The following ARHGAP10 variants were observed in gnomAD, a reference collection of about 807,000 sequenced individuals.
ARHGAP10 encodes the protein Rho GTPase activating protein 10.
Under a neutral mutation model 108.6 loss-of-function variants are expected in ARHGAP10, and 87 were observed. The ratio of observed to expected loss-of-function variants is 0.80; its 90% confidence interval spans 0.67 to 0.96. The LOEUF is 0.96. ARHGAP10 is among the 40% of genes least tolerant of loss of function. The pLI is 0.00. For missense variants in ARHGAP10, 939 were observed against 954.5 expected, an observed-to-expected ratio of 0.98 and a Z score of 0.21; for synonymous variants, 347 against 341.1, an observed-to-expected ratio of 1.02 and a Z score of -0.19.
chr4:147,940,017 C>A, intron 14 of ARHGAP10, 118 bp downstream of exon 14: 1 of 997,104 alleles, frequency 1.0e-6, no homozygotes, highest in Non-Finnish European at 1.5e-6. Context: ...CTACTTTCTA[C>A]AGGAGTTTTC....
intron 19 of ARHGAP10, among the ~76,000 whole-genome samples, chr4:148,039,916 A>G (rs1034931462): frequency 1.3e-5 from 2 of 152,012 alleles, no homozygotes; most frequent in African/African-American, 4.8e-5. Flanking sequence ...TCTATTCTCT[A>G]TATTACAAAT....
chr4:147,769,149 T>C (rs1729966646), intron 1 of ARHGAP10, among the ~76,000 whole-genome samples: 1 of 152,206 alleles, frequency 6.6e-6, no homozygotes, highest in South Asian at 2.1e-4. Context: ...GTAGGACTAA[T>C]CTGTTTCAAT....
chr4:147,988,761 G>T (rs564997504), intron 18 of ARHGAP10, among the ~76,000 whole-genome samples: 1 of 152,138 alleles, frequency 6.6e-6, no homozygotes, highest in Non-Finnish European at 1.5e-5. Context: ...CCACACTTCC[G>T]TGTAGGAACT....
chr4:147,827,627 G>C (rs1487327545), intron 3 of ARHGAP10, among the ~76,000 whole-genome samples: 1 of 152,124 alleles, frequency 6.6e-6, no homozygotes, highest in Non-Finnish European at 1.5e-5. Context: ...ATGGTTGCCA[G>C]TACATTCTGA....
intron 18 of ARHGAP10, among the ~76,000 whole-genome samples, chr4:147,992,943 T>C (rs1740336450): frequency 6.6e-6 from 1 of 152,228 alleles, no homozygotes; most frequent in Non-Finnish European, 1.5e-5. Flanking sequence ...AGAAACTGAT[T>C]GGAGGGTGTA....
intron 18 of ARHGAP10, among the ~76,000 whole-genome samples, chr4:147,985,515 T>C (rs1387980474): frequency 6.6e-6 from 1 of 152,158 alleles, no homozygotes; most frequent in Non-Finnish European, 1.5e-5. Flanking sequence ...CTTTTGGACC[T>C]GTGATGGGGG....
chr4:147,752,430 T>C (rs1418109855), intron 1 of ARHGAP10, among the ~76,000 whole-genome samples: 1 of 152,136 alleles, frequency 6.6e-6, no homozygotes, highest in Non-Finnish European at 1.5e-5. Flanking sequence ...TTACAAAAAA[T>C]TGAAAAAAAC....
intron 1 of ARHGAP10, among the ~76,000 whole-genome samples, chr4:147,783,201 A>G (rs1422428682): frequency 1.0e-4 from 15 of 145,000 alleles, no homozygotes; most frequent in African/African-American, 3.7e-4. Context: ...TGTATAATTT[A>G]TATAACACAT....
chr4:147,812,690 T>A (rs755704474), intron 1 of ARHGAP10, among the ~76,000 whole-genome samples: 1 of 152,236 alleles, frequency 6.6e-6, no homozygotes, highest in Non-Finnish European at 1.5e-5. Context: ...AAGGGCTTTG[T>A]GGCCCAACTG....
chr4:147,766,832 A>ATTTATT (rs1165274295), intron 1 of ARHGAP10, among the ~76,000 whole-genome samples: 6 of 27,952 alleles, frequency 2.1e-4, no homozygotes, highest in African/African-American at 4.0e-4. Context: ...ATATATATAT[A>ATTTATT]TATATATTTA....
At chr4:147,996,009 G>A (rs1214619983) in intron 18 of ARHGAP10, among the ~76,000 whole-genome samples, 2 of 152,168 alleles carry the variant, frequency 1.3e-5, no homozygotes, top group African/African-American at 2.4e-5. Flanking sequence ...CAGCCACTGC[G>A]CCTGGTGGTC....
intron 1 of ARHGAP10, among the ~76,000 whole-genome samples, chr4:147,796,005 A>C (rs1426270033): frequency 6.6e-6 from 1 of 152,012 alleles, no homozygotes; most frequent in African/African-American, 2.4e-5. Flanking sequence ...CTTTTGATTG[A>C]CCTTTACAAT....
At chr4:147,837,023 C>T (rs1373411855) in intron 3 of ARHGAP10, among the ~76,000 whole-genome samples, 1 of 152,222 alleles carries the variant, frequency 6.6e-6, no homozygotes, top group Admixed American at 6.5e-5. Context: ...GTAGCGAAAT[C>T]GATTGTGAAA....
chr4:147,811,279 C>T (rs112137798), intron 1 of ARHGAP10, among the ~76,000 whole-genome samples: 5 of 152,356 alleles, frequency 3.3e-5, no homozygotes, highest in African/African-American at 7.2e-5. Context: ...AGTAGCTCCT[C>T]GTTGGAATAC....
At chr4:147,846,279 AT>A (rs1488159770) in intron 3 of ARHGAP10, among the ~76,000 whole-genome samples, 1 of 151,944 alleles carries the variant, frequency 6.6e-6, no homozygotes, top group African/African-American at 2.4e-5. Flanking sequence ...CAAATCACTT[AT>A]TTTTTCTGTA....
At chr4:147,804,545 G>A (rs1409909471) in intron 1 of ARHGAP10, among the ~76,000 whole-genome samples, 1 of 152,168 alleles carries the variant, frequency 6.6e-6, no homozygotes, top group Admixed American at 6.5e-5. Context: ...GGGTCAAATG[G>A]TAGTTCTGTT....
chr4:147,797,217 T>C (rs1381608204), intron 1 of ARHGAP10, among the ~76,000 whole-genome samples: 1 of 152,104 alleles, frequency 6.6e-6, no homozygotes, highest in Non-Finnish European at 1.5e-5. Flanking sequence ...TTTTTTTTTC[T>C]TTTGGTATCA....
chr4:147,911,598 G>C (rs1397034817), intron 12 of ARHGAP10, among the ~76,000 whole-genome samples: 5 of 151,782 alleles, frequency 3.3e-5, no homozygotes, highest in South Asian at 2.1e-4. Context: ...TCCTGACTTC[G>C]TGATCCGCCC....
At chr4:148,043,788 GTA>G (rs553347686) in intron 19 of ARHGAP10, among the ~76,000 whole-genome samples, 6 of 143,512 alleles carry the variant, frequency 4.2e-5, no homozygotes, top group African/African-American at 7.6e-5. Flanking sequence ...ATATATATAT[GTA>G]TATATATATG....
Sources: allele counts gnomAD v4.1 joint callset (sites outside exome capture counted in the v4.1 genomes callset), GRCh38; gene constraint gnomAD v4.1.1; transcripts MANE v1.5; gene names NCBI Gene and HGNC (gene_info 2026-07-23, HGNC 2026-07-21).